Variants in EML2 observed in about 807,000 individuals in gnomAD.
EML2 encodes the protein EMAP like 2, also known as echinoderm microtubule-associated protein-like 2.
In EML2, 59 loss-of-function variants were observed where a neutral mutation model predicts 84.7. That is an observed-to-expected ratio of 0.70 (90% CI 0.56 to 0.86). The LOEUF (loss-of-function observed/expected upper bound fraction) is 0.86. Among genes scored for constraint, EML2 ranks in the 40% least tolerant of loss-of-function variants. The pLI, the probability that EML2 is intolerant of heterozygous loss-of-function variation, is 0.00. For missense variants in EML2, 818 were observed against 855.6 expected (o/e 0.96, Z 0.55); for synonymous variants, 352 against 348.9 (o/e 1.01, Z -0.10).
rs970508884 is a variant in EML2 at position 45,624,870 on chromosome 19, C to G, written c.742-52G>C. The G allele has an allele frequency of 3.0e-6, 4 of 1,342,196 alleles. No homozygotes were observed. In the African/African-American group the frequency reaches 5.8e-5, roughly 19 times the overall value. The allele number at this position is 1,342,196 out of a possible 1,614,324, so 83.1% of individuals were successfully genotyped here. A position where few individuals can be genotyped will look rare whatever the true frequency, so the allele number is the denominator to read the frequency against. On this transcript the variant is annotated intron_variant, in intron 8 of 18. Coordinates refer to ENST00000245925, the MANE Select transcript of EML2 (RefSeq NM_012155.4). ...TCAGAGCGTCACTGAAGCAGGTAGC[C>G]TCCCAGAGGTCATCTGTCACCCAGG...
At chr19:45,639,514 G>A, upstream of EML2, 1 of 875,998 alleles carries the variant, frequency 1.1e-6, no homozygotes, top group Non-Finnish European at 1.5e-6. Context: ...GGTCCCACCG[G>A]GTCACACATC....
intron 16 of EML2, among the ~76,000 whole-genome samples, 180 bp downstream of exon 16, chr19:45,615,622 G>C (rs1250300847): frequency 6.6e-6 from 1 of 151,928 alleles, no homozygotes; most frequent in Non-Finnish European, 1.5e-5. Context: ...GGGAGGAGTT[G>C]ACTAAAAGTG....
intron 18 of EML2, among the ~76,000 whole-genome samples, chr19:45,611,368 G>A (rs186872338): frequency 5.3e-5 from 8 of 151,638 alleles, no homozygotes; most frequent in South Asian, 2.1e-4. Flanking sequence ...CCAAGATCGC[G>A]CCATTGCACT....
At chr19:45,632,711 G>A in intron 6 of EML2, 150 bp downstream of exon 6, 1 of 664,190 alleles carries the variant, frequency 1.5e-6, no homozygotes, top group Non-Finnish European at 2.6e-6. Context: ...CCCTTGGGGT[G>A]AGGACACGCC....
At chr19:45,632,487 A>AT (rs957535145) in intron 6 of EML2, 293 of 182,846 alleles carry the variant, frequency 1.6e-3, no homozygotes, top group East Asian at 5.2e-3. Context: ...CCAAAATAGG[A>AT]TTTTTTTTTA....
In EML2 at chr19:45,619,090, G is replaced by A; in HGVS notation, c.1224C>T (p.Ser408=). The A allele has an allele frequency of 6.2e-7, 1 of 1,613,340 alleles. No homozygotes were observed. Among genetic ancestry groups the A allele is most frequent in the Non-Finnish European group, 8.5e-7 (1 of 1,179,640 alleles). ...TGATCCTGCTCCACAGGGGCTGGTG[G>A]GAATCTGAGCTCCATAGATGCACCA... is the stretch of plus-strand genomic sequence containing the variant. The part of the protein sequence containing the change: ...DKLVHLWSSD[S]HQPLWSRIIE... The change falls in exon 12 of 19, where the codon TCC becomes TCT. Residue 408 remains serine (S), a synonymous_variant. Transcript: ENST00000245925.
At chr19:45,632,803 G>A in intron 6 of EML2, 58 bp downstream of exon 6, 1 of 1,460,010 alleles carries the variant, frequency 6.8e-7, no homozygotes, top group Non-Finnish European at 9.5e-7. Context: ...AAAAGGTGCG[G>A]GCACTTGCCC....
chr19:45,625,106 A>G (rs1390508690), intron 8 of EML2, among the ~76,000 whole-genome samples: 1 of 151,726 alleles, frequency 6.6e-6, no homozygotes, highest in Non-Finnish European at 1.5e-5. Flanking sequence ...CTCACCTGTC[A>G]TCTAGACCGG....
chr19:45,639,219 A>T (rs1241571251), intron 1 of EML2, 138 bp downstream of exon 1: 2 of 955,834 alleles, frequency 2.1e-6, no homozygotes, highest in Non-Finnish European at 3.0e-6. Context: ...AACGTCAAGC[A>T]GAGGGAGAAA....
At chr19:45,642,376 T>C (rs1234899684), upstream of EML2, 2 of 1,525,774 alleles carry the variant, frequency 1.3e-6, no homozygotes, top group Non-Finnish European at 1.8e-6. Context: ...GAGTGCCGGC[T>C]GCAGGGCCAC....
intron 8 of EML2, among the ~76,000 whole-genome samples, chr19:45,626,369 A>T (rs1972320238): frequency 7.0e-6 from 1 of 142,532 alleles, no homozygotes; most frequent in South Asian, 2.2e-4. Flanking sequence ...CATCCCTTTG[A>T]ATCCTCACAA....
At chr19:45,636,117 T>C (rs1462059268) in intron 3 of EML2, among the ~76,000 whole-genome samples, 1 of 152,160 alleles carries the variant, frequency 6.6e-6, no homozygotes, top group Non-Finnish European at 1.5e-5. Flanking sequence ...ACTACAGGCA[T>C]GCACCACCAT....
chr19:45,636,939 G>A (rs1229305828), intron 3 of EML2, among the ~76,000 whole-genome samples: 1 of 152,232 alleles, frequency 6.6e-6, no homozygotes, highest in Non-Finnish European at 1.5e-5. Flanking sequence ...TCAAAAACAA[G>A]AAAATATCTG....
intron 16 of EML2, 48 bp from the exon 17 acceptor site, chr19:45,614,748 A>G (rs936630239): frequency 1.1e-5 from 16 of 1,459,750 alleles, no homozygotes; most frequent in East Asian, 9.1e-5. Context: ...AGAACTACCC[A>G]GTAAACCCAT....
upstream of EML2, chr19:45,645,485 G>C: frequency 7.1e-7 from 1 of 1,406,628 alleles, no homozygotes; most frequent in Non-Finnish European, 9.2e-7. Context: ...CCGGCGCCGG[G>C]CCCGGCGCTG....
chr19:45,644,798 CAGAG>C (rs751160009), upstream of EML2: 96 of 456,302 alleles, frequency 2.1e-4, 1 homozygote, highest in Non-Finnish European at 6.2e-5. Context: ...GGGCCAGGGC[CAGAG>C]GATTTGGGAG....
chr19:45,614,406 C>T (rs373302973), intron 17 of EML2, among the ~76,000 whole-genome samples, 199 bp downstream of exon 17: 40 of 147,814 alleles, frequency 2.7e-4, no homozygotes, highest in East Asian at 1.2e-3. Flanking sequence ...CCAGTTACCA[C>T]GCCCATTTGG....
At chr19:45,612,063 T>C (rs193137219) in intron 18 of EML2, among the ~76,000 whole-genome samples, 4 of 151,812 alleles carry the variant, frequency 2.6e-5, no homozygotes, top group Admixed American at 2.0e-4. Context: ...TATTCTTTTT[T>C]TTTTTTGAGA....
chr19:45,642,156 C>T (rs1600247752), upstream of EML2: 11 of 1,515,448 alleles, frequency 7.3e-6, no homozygotes, highest in Non-Finnish European at 9.7e-6. Flanking sequence ...TGCCTAAGCG[C>T]GGAGGCGCCC....
Sources: allele counts gnomAD v4.1 joint callset (sites outside exome capture counted in the v4.1 genomes callset), GRCh38; gene constraint gnomAD v4.1.1; transcripts MANE v1.5; gene names NCBI Gene and HGNC (gene_info 2026-07-23, HGNC 2026-07-21).